The following TRERF1 variants were observed in gnomAD, a reference collection of about 807,000 sequenced individuals.
TRERF1 encodes transcriptional-regulating factor 1.
In TRERF1, 27 loss-of-function variants were observed where a neutral mutation model predicts 122.9. That is an observed-to-expected ratio of 0.22 (90% CI 0.16 to 0.30). TRERF1 has a LOEUF of 0.30. TRERF1 is among the 10% of genes least tolerant of loss of function. TRERF1 has a pLI of 1.00. For synonymous variants in TRERF1, 636 were observed against 641.7 expected (o/e 0.99, Z 0.13); for missense variants, 1,248 against 1,560.3 (o/e 0.80, Z 3.37).
intron 15 of TRERF1, among the ~76,000 whole-genome samples, chr6:42,240,313 C>A (rs1311833914): frequency 6.6e-6 from 1 of 152,156 alleles, no homozygotes; most frequent in Non-Finnish European, 1.5e-5. Context: ...TTGATAACAC[C>A]CAAGCCTAAG....
At chr6:42,338,376 G>T (rs1037845794) in intron 3 of TRERF1, among the ~76,000 whole-genome samples, 26 of 152,310 alleles carry the variant, frequency 1.7e-4, no homozygotes, top group Admixed American at 1.1e-3. Context: ...GTCACGGGAC[G>T]TGGGTAGGGG....
intron 2 of TRERF1, among the ~76,000 whole-genome samples, chr6:42,429,014 G>A (rs528993197): frequency 5.5e-4 from 84 of 152,226 alleles, no homozygotes; most frequent in African/African-American, 2.0e-3. Flanking sequence ...ACTTGACTCC[G>A]GTCCCAGGCC....
chr6:42,306,415 GATCACTTA>G (rs1397610079), intron 3 of TRERF1, among the ~76,000 whole-genome samples: 1 of 152,230 alleles, frequency 6.6e-6, no homozygotes, highest in Non-Finnish European at 1.5e-5. Flanking sequence ...GATATAGGCA[GATCACTTA>G]ATCAGGCCCT....
intron 14 of TRERF1, among the ~76,000 whole-genome samples, chr6:42,244,449 G>C (rs1774387808): frequency 1.3e-5 from 2 of 152,344 alleles, no homozygotes; most frequent in South Asian, 4.1e-4. Flanking sequence ...CTCCCAAAGT[G>C]CTGGGATTAC....
At chr6:42,279,190 G>A (rs1362334872) in intron 4 of TRERF1, among the ~76,000 whole-genome samples, 1 of 152,204 alleles carries the variant, frequency 6.6e-6, no homozygotes, top group Non-Finnish European at 1.5e-5. Context: ...CCCAGGAGGT[G>A]CAGTAGGCAG....
In TRERF1 at chr6:42,263,337, C is replaced by A. The variant is rs750918894; in HGVS notation, c.1867G>T (p.Asp623Tyr). The stretch of plus-strand genomic sequence containing the variant: ...ATCCTCACGAGCACAGGCATCTCGT[C>A]GTCCGACATCGAGCTGGCTGGCTTG... The change falls in exon 8 of 18, where the codon GAC (aspartate) becomes TAC (tyrosine). Residue 623 changes from aspartate to tyrosine, a missense_variant. Around this residue, in one of 5 missense-constraint regions of TRERF1, gnomAD observed 946 missense variants for 1,073.0 expected, o/e 0.88. Transcript: ENST00000372922. This position sits in a 1 kb window ranked among gnomAD's most constrained non-coding sequence, Gnocchi z 5.6. 6.2e-7 allele frequency: 1 copy of A among 1,612,390 alleles called. No individual in the cohort carries two copies. The highest frequency in any genetic ancestry group is 1.7e-5 in the Admixed American group (1 of 59,748).
chr6:42,411,447 A>G (rs181874499), intron 2 of TRERF1, among the ~76,000 whole-genome samples: 1 of 152,296 alleles, frequency 6.6e-6, no homozygotes, highest in East Asian at 1.9e-4. Flanking sequence ...CGGGACCTGG[A>G]TATCAGGCAC....
intron 3 of TRERF1, among the ~76,000 whole-genome samples, chr6:42,349,347 G>A (rs1407030471): frequency 6.6e-6 from 1 of 151,894 alleles, no homozygotes; most frequent in Non-Finnish European, 1.5e-5. Flanking sequence ...CCTCACCTGA[G>A]GCCGGAATCT....
chr6:42,429,425 G>A (rs1250260645), intron 2 of TRERF1, among the ~76,000 whole-genome samples: 1 of 152,162 alleles, frequency 6.6e-6, no homozygotes, highest in Non-Finnish European at 1.5e-5. Flanking sequence ...ACGGAGGGGG[G>A]GAAATGGAAG....
chr6:42,231,316 A>G (rs1770508275), intron 17 of TRERF1, among the ~76,000 whole-genome samples: 2 of 152,212 alleles, frequency 1.3e-5, no homozygotes, highest in African/African-American at 4.8e-5. Flanking sequence ...TAAGAAATAA[A>G]TTTATTTTCT....
chr6:42,225,166 T>A (rs1769341520), downstream of TRERF1: 1 of 151,042 alleles, frequency 6.6e-6, no homozygotes. Flanking sequence ...AGCTTATCAC[T>A]TGGAGGGGAA....
intron 2 of TRERF1, among the ~76,000 whole-genome samples, chr6:42,400,189 A>G (rs1010422870): frequency 6.6e-6 from 1 of 152,186 alleles, no homozygotes; most frequent in African/African-American, 2.4e-5. Context: ...GGTCCCAGTC[A>G]CAGACCATAA....
intron 2 of TRERF1, among the ~76,000 whole-genome samples, chr6:42,392,474 G>T (rs1205500363): frequency 6.6e-6 from 1 of 152,128 alleles, no homozygotes; most frequent in Non-Finnish European, 1.5e-5. Context: ...AGTCACTGAT[G>T]GAAACAGAGA....
chr6:42,365,825 C>T (rs193226696), intron 2 of TRERF1, among the ~76,000 whole-genome samples: 7 of 152,292 alleles, frequency 4.6e-5, no homozygotes, highest in Admixed American at 4.6e-4. Context: ...CAGCACTGCC[C>T]ATTTACAGTT....
intron 3 of TRERF1, among the ~76,000 whole-genome samples, chr6:42,345,248 A>G (rs1039289688): frequency 6.6e-6 from 1 of 152,282 alleles, no homozygotes; most frequent in Non-Finnish European, 1.5e-5. Flanking sequence ...TAAATGTTTT[A>G]CAAACACTAT....
chr6:42,327,541 C>T (rs533591218), intron 3 of TRERF1, among the ~76,000 whole-genome samples: 3 of 152,252 alleles, frequency 2.0e-5, no homozygotes, highest in South Asian at 4.1e-4. Flanking sequence ...TAGATAACTC[C>T]GAGTGCCGAG....
intron 5 of TRERF1, among the ~76,000 whole-genome samples, chr6:42,267,025 C>T (rs1158849495): frequency 1.3e-5 from 2 of 152,192 alleles, no homozygotes; most frequent in Non-Finnish European, 2.9e-5. Context: ...ACTCACAATG[C>T]ATACTACCAT....
chr6:42,332,692 G>T (rs773381227), intron 3 of TRERF1, among the ~76,000 whole-genome samples: 1 of 152,196 alleles, frequency 6.6e-6, no homozygotes, highest in South Asian at 2.1e-4. Flanking sequence ...GTTACTTAGG[G>T]CCTATTTAAA....
At chr6:42,284,571 T>A (rs1008114068) in intron 4 of TRERF1, among the ~76,000 whole-genome samples, 5 of 152,226 alleles carry the variant, frequency 3.3e-5, no homozygotes, top group Non-Finnish European at 7.3e-5. Context: ...GTTCATTGGC[T>A]TAGATCACAT....
Sources: allele counts gnomAD v4.1 joint callset (sites outside exome capture counted in the v4.1 genomes callset), GRCh38; gene constraint gnomAD v4.1.1; regional missense constraint gnomAD v4.1.1; non-coding constraint Gnocchi (gnomAD v3.1); transcripts MANE v1.5; gene names NCBI Gene and HGNC (gene_info 2026-07-23, HGNC 2026-07-21).